Variants in KCNB2 observed in about 807,000 individuals in gnomAD.
The protein encoded by KCNB2 is delayed rectifier potassium channel protein.
KCNB2 carries 15 observed loss-of-function variants against 61.5 expected under a neutral mutation model. The ratio of observed to expected loss-of-function variants is 0.24; its 90% CI spans 0.16 to 0.38. The LOEUF is 0.38. KCNB2 is among the 10% of genes least tolerant of loss of function. KCNB2 has a pLI of 1.00. For synonymous variants in KCNB2, 457 were observed against 446.0 expected (o/e 1.02, Z -0.31); for missense variants, 828 against 1,125.2 (o/e 0.74, Z 3.78).
intron 2 of KCNB2, among the ~76,000 whole-genome samples, chr8:72,898,281 G>A (rs965255581): frequency 4.6e-5 from 7 of 151,796 alleles, no homozygotes; most frequent in South Asian, 2.1e-4. Context: ...ATCACACACC[G>A]GGGCCTTTTG....
Position 72,567,754 on chromosome 8 carries a change from C to T in KCNB2, c.20C>T (p.Pro7Leu), listed in dbSNP as rs775128513. Reference protein sequence around the residue: MAEKAPPGLNRKTSRST... With the variant: MAEKAPLGLNRKTSRST... ...TTCAAAATGGCAGAAAAGGCTCCCCCGGGCTTAAACAGGAAGACTTCAAGG... is the reference window on the plus strand; with the variant it reads ...TTCAAAATGGCAGAAAAGGCTCCCCTGGGCTTAAACAGGAAGACTTCAAGG... Residue 7 changes from proline to leucine, a missense_variant, in exon 2 of 3, where the codon CCG becomes CTG. By Grantham distance (98) the Pro-to-Leu change is moderately conservative (BLOSUM62 -3). This residue lies in a region of KCNB2 where 62 missense variants were observed against 54.8 expected (regional missense o/e 1.13). Coordinates refer to ENST00000523207, the MANE Select transcript of KCNB2 (RefSeq NM_004770.3). 14 of 1,573,492 alleles carry T rather than the reference C, an allele frequency of 8.9e-6. No homozygotes were observed. Among genetic ancestry groups the T allele is most frequent in the Admixed American group, 5.6e-5 (3 of 53,180 alleles).
chr8:72,845,102 G>C (rs776794909), intron 2 of KCNB2, among the ~76,000 whole-genome samples: 3 of 152,176 alleles, frequency 2.0e-5, no homozygotes, highest in Non-Finnish European at 4.4e-5. Context: ...TTTGATGCCG[G>C]TGACCTTTGG....
In KCNB2 at chr8:72,666,652, G is replaced by GT. The variant is rs35646824; in HGVS notation, c.579+98356dup. Among the ~76,000 whole-genome samples the GT allele has an allele frequency of 9.5e-3, 1,135 of 119,196 alleles. 4 individuals are homozygous for GT. The highest frequency in any genetic ancestry group is 0.012 in the African/African-American group (379 of 30,430). The allele number at this position is 119,196 out of a possible 152,430, so 78.2% of individuals were successfully genotyped here. A position where few individuals can be genotyped will look rare whatever the true frequency, so the allele number is the denominator to read the frequency against. On this transcript the variant is annotated intron_variant, in intron 2 of 2. Coordinates refer to ENST00000523207, the MANE Select transcript of KCNB2 (RefSeq NM_004770.3). ...GTGACCTTCAAATAAAAAATAAAAA[G>GT]TTTTTTTTTTTTTTTTTGAGACAGA...
At chr8:72,836,058 C>G (rs538179765) in intron 2 of KCNB2, among the ~76,000 whole-genome samples, 22 of 152,316 alleles carry the variant, frequency 1.4e-4, no homozygotes, top group African/African-American at 5.0e-4. Flanking sequence ...AAAGAATTCT[C>G]TAGATTTTAA....
At chr8:72,767,984 T>C (rs74780204) in intron 2 of KCNB2, among the ~76,000 whole-genome samples, 2,723 of 152,350 alleles carry the variant, frequency 0.018, 36 homozygotes, top group Non-Finnish European at 0.025. Context: ...TTTACATCGT[T>C]TCATGTGTTT....
intron 2 of KCNB2, among the ~76,000 whole-genome samples, chr8:72,896,112 A>G (rs1401106060): frequency 1.3e-5 from 2 of 152,146 alleles, no homozygotes; most frequent in African/African-American, 4.8e-5. Flanking sequence ...GTTTTGCTGA[A>G]TGTTCCAGAC....
chr8:72,671,115 T>G (rs1806557411), intron 2 of KCNB2, among the ~76,000 whole-genome samples: 1 of 152,168 alleles, frequency 6.6e-6, no homozygotes, highest in African/African-American at 2.4e-5. Context: ...CCTACAGAAT[T>G]CTAAACAGGG....
At chr8:72,922,766 G>A (rs1317878556) in intron 2 of KCNB2, among the ~76,000 whole-genome samples, 1 of 152,150 alleles carries the variant, frequency 6.6e-6, no homozygotes, top group East Asian at 1.9e-4. Context: ...ATTCAACCCA[G>A]TATCCTGATT....
chr8:72,558,506 G>A (rs370001796), intron 1 of KCNB2, among the ~76,000 whole-genome samples: 4 of 152,246 alleles, frequency 2.6e-5, no homozygotes, highest in East Asian at 3.9e-4. Context: ...TGGAAAATGC[G>A]GAAAAGAATA....
chr8:72,712,062 TA>T (rs558855487), intron 2 of KCNB2, among the ~76,000 whole-genome samples: 53 of 152,256 alleles, frequency 3.5e-4, no homozygotes, highest in Non-Finnish European at 6.9e-4. Flanking sequence ...TTACTTATTC[TA>T]AATGTATGCT....
chr8:72,756,538 A>G (rs1808293486), intron 2 of KCNB2, among the ~76,000 whole-genome samples: 1 of 152,200 alleles, frequency 6.6e-6, no homozygotes, highest in Non-Finnish European at 1.5e-5. Context: ...TAATTATAAC[A>G]TATTTTGGGA....
intron 2 of KCNB2, among the ~76,000 whole-genome samples, chr8:72,857,786 A>G (rs1451550099): frequency 1.3e-5 from 2 of 152,206 alleles, no homozygotes; most frequent in African/African-American, 2.4e-5. Context: ...TCAAAAACCT[A>G]TTATTTTCAG....
At chr8:72,646,661 C>T (rs550732441) in intron 2 of KCNB2, among the ~76,000 whole-genome samples, 8 of 152,096 alleles carry the variant, frequency 5.3e-5, no homozygotes, top group African/African-American at 1.7e-4. Flanking sequence ...TCCACTTATA[C>T]GAGGTGTCTT....
rs150387146 is a variant in KCNB2 at position 72,830,518 on chromosome 8, T to C, written c.580-105417T>C. On this transcript the variant is annotated intron_variant, in intron 2 of 2. Coordinates refer to ENST00000523207, the MANE Select transcript of KCNB2 (RefSeq NM_004770.3). Reference sequence around the variant, plus strand: ...GTAAGAACTGCTTGTCGAGTTCTCATTACTATCCATCCCACCCATCCCAGA... The same window carrying C: ...GTAAGAACTGCTTGTCGAGTTCTCACTACTATCCATCCCACCCATCCCAGA... Among the ~76,000 whole-genome samples, 285 of 152,328 alleles carry C rather than the reference T, an allele frequency of 1.9e-3. 1 individual carries two copies. Among genetic ancestry groups the C allele is most frequent in the African/African-American group, 6.7e-3 (280 of 41,588 alleles).
At chr8:72,585,043 C>T (rs138753479) in intron 2 of KCNB2, among the ~76,000 whole-genome samples, 16 of 152,230 alleles carry the variant, frequency 1.1e-4, no homozygotes, top group South Asian at 4.2e-4. Flanking sequence ...ATAGGCTGCT[C>T]GTCTCTAAGG....
chr8:72,622,779 G>A (rs1224164866), intron 2 of KCNB2, among the ~76,000 whole-genome samples: 2 of 152,162 alleles, frequency 1.3e-5, no homozygotes, highest in Non-Finnish European at 2.9e-5. Flanking sequence ...AGTAGAATTT[G>A]GTTTGAAGTG....
In KCNB2 at chr8:72,685,711, C is replaced by A. The variant is rs545153712; in HGVS notation, c.579+117398C>A. ...AATGCCAGTATAAGAAGGTCCAGGC[C>A]GGGTGCAGTGGCTCACGCCTGTAAT... On this transcript the variant is annotated intron_variant, in intron 2 of 2. Coordinates refer to ENST00000523207, the MANE Select transcript of KCNB2 (RefSeq NM_004770.3). Among the ~76,000 whole-genome samples, 4 of 152,088 alleles carry A rather than the reference C, an allele frequency of 2.6e-5. No individual in the cohort carries two copies. The East Asian group carries it at 7.7e-4, about 29-fold the overall frequency.
At chr8:72,685,305 C>A (rs1050898746) in intron 2 of KCNB2, among the ~76,000 whole-genome samples, 2 of 151,906 alleles carry the variant, frequency 1.3e-5, no homozygotes, top group Non-Finnish European at 2.9e-5. Context: ...GGTTTTTTTT[C>A]TTCCAGTTCT....
intron 2 of KCNB2, among the ~76,000 whole-genome samples, chr8:72,590,406 G>A (rs1192888688): frequency 6.6e-6 from 1 of 151,986 alleles, no homozygotes; most frequent in African/African-American, 2.4e-5. Context: ...TCAAAAAGGA[G>A]CTAATACCAT....
Sources: gnomAD v4.1 joint callset for allele counts (sites outside exome capture counted in the v4.1 genomes callset) on GRCh38, gnomAD v4.1.1 for gene constraint, gnomAD v4.1.1 regional missense constraint, MANE v1.5 for transcripts, NCBI Gene and HGNC (gene_info 2026-07-23, HGNC 2026-07-21) for gene names.